Variants in KIAA0586 observed in about 807,000 individuals in gnomAD.
The protein encoded by KIAA0586 is KIAA0586, also known as protein TALPID3.
KIAA0586 carries 144 observed loss-of-function variants against 169.8 expected under a neutral mutation model. The observed-to-expected ratio is 0.85, with a 90% CI of 0.74 to 0.97. The LOEUF is 0.97. Among genes scored for constraint, KIAA0586 ranks in the 50% least tolerant of loss-of-function variants. The pLI is 0.00. For missense variants in KIAA0586, 1,854 were observed against 1,823.0 expected, an observed-to-expected ratio of 1.02 and a Z score of -0.31; for synonymous variants, 625 against 612.4, an observed-to-expected ratio of 1.02 and a Z score of -0.30.
At position 58,457,890 on chromosome 14, in the gene KIAA0586, A is replaced by C. The variant is rs1283430391; in HGVS notation, c.1494A>C (p.Lys498Asn). 6.2e-7 allele frequency: 1 copy of C among 1,607,496 alleles called. No homozygotes were observed. The highest frequency in any genetic ancestry group is 8.5e-7 in the Non-Finnish European group (1 of 1,176,632). Residue 498 changes from lysine to asparagine, a missense_variant, in exon 11 of 31, where the codon AAA becomes AAC. Transcript: ENST00000652326. Reference sequence around the variant, plus strand: ...TTTTGAGAGGAGTACAAAACAATAAAAAAGTACTTGAAGAAAACCTGGAAG... The same window carrying C: ...TTTTGAGAGGAGTACAAAACAATAACAAAGTACTTGAAGAAAACCTGGAAG... ...EKILRGVQNNKKVLEENLEAI... is the reference protein window; with the variant it reads ...EKILRGVQNNNKVLEENLEAI...
intron 29 of KIAA0586, among the ~76,000 whole-genome samples, chr14:58,527,735 C>T (rs1018549202): frequency 7.2e-5 from 11 of 152,154 alleles, no homozygotes; most frequent in African/African-American, 2.7e-4. Flanking sequence ...AAAACTTGCA[C>T]CAGCCACTGC....
chr14:58,453,902 TA>T (rs1195168560), intron 9 of KIAA0586, among the ~76,000 whole-genome samples: 2 of 152,260 alleles, frequency 1.3e-5, no homozygotes, highest in East Asian at 1.9e-4. Flanking sequence ...TAAAAAGTTT[TA>T]AAAAAATCAA....
intron 8 of KIAA0586, 108 bp downstream of exon 8, chr14:58,450,854 A>G: frequency 3.1e-6 from 2 of 639,034 alleles, no homozygotes; most frequent in South Asian, 4.7e-5. Context: ...TTTTACTTTA[A>G]ATGACCCTTG....
chr14:58,428,237 G>C lies in KIAA0586; in HGVS notation c.-28G>C. On this transcript the variant is annotated 5_prime_UTR_variant, in exon 1 of 31. Transcript: ENST00000652326. ...ACAGAGAAAGTTTTTCCGTCCTTAA[G>C]TGTGGGACTTGTTTTGTGACCAACA... The C allele has an allele frequency of 6.2e-7, 1 of 1,607,736 alleles. No individual in the cohort carries two copies. Among genetic ancestry groups the C allele is most frequent in the Non-Finnish European group, 8.5e-7 (1 of 1,177,098 alleles).
At chr14:58,442,379 A>G (rs1476467891) in intron 4 of KIAA0586, among the ~76,000 whole-genome samples, 2 of 152,260 alleles carry the variant, frequency 1.3e-5, no homozygotes, top group Non-Finnish European at 1.5e-5. Flanking sequence ...AATTGGGATT[A>G]CAGGCATAAT....
chr14:58,530,426 A>G (rs1037051053), intron 29 of KIAA0586, among the ~76,000 whole-genome samples: 2 of 152,252 alleles, frequency 1.3e-5, no homozygotes, highest in Non-Finnish European at 2.9e-5. Context: ...GCATCACGCT[A>G]CCTGACTTCA....
At chr14:58,463,826 TAAA>T in intron 14 of KIAA0586, 2 of 209,334 alleles carry the variant, frequency 9.6e-6, no homozygotes, top group Admixed American at 6.0e-5. Context: ...ACCCTGTCTC[TAAA>T]AAAAAAAAAA....
At chr14:58,499,107 T>C in intron 27 of KIAA0586, 147 bp downstream of exon 27, 1 of 670,280 alleles carries the variant, frequency 1.5e-6, no homozygotes, top group Admixed American at 3.3e-5. Context: ...GATAACTTTT[T>C]TTATAGTATA....
the KIAA0586 span, among the ~76,000 whole-genome samples, chr14:58,560,725 T>A: frequency 6.6e-6 from 1 of 152,224 alleles, no homozygotes; most frequent in Non-Finnish European, 1.5e-5. Flanking sequence ...TGAATTCAAA[T>A]GCTTTATGAT....
chr14:58,554,316 A>C (rs1229546455), downstream of KIAA0586, among the ~76,000 whole-genome samples: 1 of 152,076 alleles, frequency 6.6e-6, no homozygotes, highest in Non-Finnish European at 1.5e-5. Context: ...GAATGGGAAG[A>C]ATTTGTGGCC....
intron 16 of KIAA0586, among the ~76,000 whole-genome samples, chr14:58,469,706 A>C (rs993290732): frequency 3.3e-5 from 5 of 152,234 alleles, no homozygotes; most frequent in Admixed American, 6.5e-5. Context: ...ATAAATTAAT[A>C]AGAAAACACA....
chr14:58,540,154 A>T lies in KIAA0586; in HGVS notation c.4495+18A>T, dbSNP rs1364549180. The T allele has an allele frequency of 1.4e-6, 2 of 1,436,506 alleles. No individual in the cohort carries two copies. Among genetic ancestry groups the T allele is most frequent in the Non-Finnish European group, 1.9e-6 (2 of 1,046,370 alleles). 89.0% of individuals were successfully genotyped at this position (1,436,506 alleles called of 1,614,324 possible). A position where few individuals can be genotyped will look rare whatever the true frequency, so the allele number is the denominator to read the frequency against. Reference sequence around the variant, plus strand: ...ATTTTCAGGTAAGATTTTTACTTTAAAAGTTCTTGAACTTGGAGCTGTTCA... The same window carrying T: ...ATTTTCAGGTAAGATTTTTACTTTATAAGTTCTTGAACTTGGAGCTGTTCA... On this transcript the variant is annotated intron_variant, in intron 30 of 30. Transcript: ENST00000652326.
chr14:58,469,779 T>C (rs968622303), intron 16 of KIAA0586, among the ~76,000 whole-genome samples: 1 of 152,216 alleles, frequency 6.6e-6, no homozygotes, highest in Non-Finnish European at 1.5e-5. Context: ...AAGTACAGTT[T>C]ATCAGCAAGC....
At chr14:58,523,717 G>A (rs1215020721) in intron 29 of KIAA0586, among the ~76,000 whole-genome samples, 5 of 146,452 alleles carry the variant, frequency 3.4e-5, no homozygotes, top group Non-Finnish European at 7.4e-5. Context: ...TCTTTTAATT[G>A]AATATTATTA....
intron 22 of KIAA0586, 83 bp downstream of exon 22, chr14:58,487,249 A>T: frequency 8.7e-7 from 1 of 1,145,656 alleles, no homozygotes; most frequent in East Asian, 2.5e-5. Flanking sequence ...GTTGCTTACT[A>T]GGTTTTAGTA....
chr14:58,492,296 C>CT (rs930723796), intron 26 of KIAA0586, 21 bp downstream of exon 26: 39 of 1,528,344 alleles, frequency 2.6e-5, no homozygotes, highest in Middle Eastern at 1.7e-4. Context: ...ACTTTAATGA[C>CT]TTTTTTTTGG....
At chr14:58,517,460 A>G (rs1488387403) in intron 29 of KIAA0586, among the ~76,000 whole-genome samples, 2 of 152,214 alleles carry the variant, frequency 1.3e-5, no homozygotes, top group Non-Finnish European at 2.9e-5. Flanking sequence ...AAATCAAGGA[A>G]ACTGATACTA....
At chr14:58,486,266 T>G (rs2042430773) in intron 21 of KIAA0586, among the ~76,000 whole-genome samples, 2 of 152,222 alleles carry the variant, frequency 1.3e-5, no homozygotes, top group Non-Finnish European at 2.9e-5. Context: ...TCCATGTTGC[T>G]GCAAACGACA....
At chr14:58,448,761 GTTC>G (rs2039117098) in intron 7 of KIAA0586, among the ~76,000 whole-genome samples, 1 of 151,808 alleles carries the variant, frequency 6.6e-6, no homozygotes, top group Admixed American at 6.6e-5. Flanking sequence ...TATGGATTAT[GTTC>G]TTAACTGATT....
Sources: allele counts gnomAD v4.1 joint callset (sites outside exome capture counted in the v4.1 genomes callset), GRCh38; gene constraint gnomAD v4.1.1; transcripts MANE v1.5; gene names NCBI Gene and HGNC (gene_info 2026-07-23, HGNC 2026-07-21).